LRRIQ1: variants seen among roughly 807,000 people sequenced by gnomAD.
LRRIQ1 encodes the protein leucine rich repeats and IQ motif containing 1.
In LRRIQ1, 210 loss-of-function variants were observed where a neutral mutation model predicts 211.9. The ratio of observed to expected loss-of-function variants is 0.99; its 90% confidence interval spans 0.89 to 1.11. The LOEUF is 1.11. Among genes scored for constraint, LRRIQ1 ranks in the 50% most tolerant of loss-of-function variants. The probability of loss-of-function intolerance (pLI) is 0.00; values close to 1 mark genes in which losing one functional copy is unlikely to be tolerated. For missense variants in LRRIQ1, 2,136 were observed against 1,939.5 expected (o/e 1.10, Z -1.90); for synonymous variants, 699 against 650.1 (o/e 1.08, Z -1.14).
At chr12:85,193,026 T>A (rs1368976645) in intron 24 of LRRIQ1, among the ~76,000 whole-genome samples, 1 of 101,022 alleles carries the variant, frequency 9.9e-6, no homozygotes, top group Non-Finnish European at 1.8e-5. Flanking sequence ...TATAATATAT[T>A]TATTATATTA....
chr12:85,248,314 C>G (rs1393070718), downstream of LRRIQ1, among the ~76,000 whole-genome samples: 1 of 151,522 alleles, frequency 6.6e-6, no homozygotes, highest in Admixed American at 6.6e-5. Flanking sequence ...TTGAATTTAT[C>G]TTTGTTTTTG....
chr12:85,250,967 T>TA (rs1895923671), intron 1 of LRRIQ1, among the ~76,000 whole-genome samples: 11 of 117,516 alleles, frequency 9.4e-5, no homozygotes, highest in East Asian at 4.3e-4. Context: ...ATATATTATA[T>TA]TATATATATT....
chr12:85,066,771 G>T lies in LRRIQ1; in HGVS notation c.2568G>T (p.Glu856Asp). The stretch of plus-strand genomic sequence containing the variant: ...AGGAAAACCATATTGAGGCTATTGA[G>T]TGTGAAAATTTGGAAAATCTCTGTG... Reference protein sequence around the residue: ...DAQENHIEAIECENLENLCVV... With the variant: ...DAQENHIEAIDCENLENLCVV... The change falls in exon 10 of 27, where the codon GAG (glutamate) becomes GAT (aspartate). Residue 856 changes from glutamate (E) to aspartate (D), a missense_variant. Glu to Asp is a conservative substitution (Grantham distance 45, BLOSUM62 2). Transcript: ENST00000393217. 1 of 1,595,098 alleles carries T rather than the reference G, an allele frequency of 6.3e-7. No individual in the cohort carries two copies. Among genetic ancestry groups the T allele is most frequent in the Non-Finnish European group, 8.5e-7 (1 of 1,172,502 alleles).
At chr12:85,228,709 A>T (rs1032689594) in intron 24 of LRRIQ1, among the ~76,000 whole-genome samples, 4 of 152,208 alleles carry the variant, frequency 2.6e-5, no homozygotes, top group Non-Finnish European at 5.9e-5. Flanking sequence ...GTACATGCAC[A>T]GAGTATTCAA....
At chr12:85,266,213 A>G (rs1896415383), downstream of LRRIQ1, among the ~76,000 whole-genome samples, 1 of 152,100 alleles carries the variant, frequency 6.6e-6, no homozygotes, top group Non-Finnish European at 1.5e-5. Context: ...ATCAGGTTTT[A>G]CATAGATAGA....
At chr12:85,180,973 G>A (rs1440614788) in intron 24 of LRRIQ1, among the ~76,000 whole-genome samples, 1 of 151,764 alleles carries the variant, frequency 6.6e-6, no homozygotes, top group Non-Finnish European at 1.5e-5. Context: ...TGTAGATTCT[G>A]ATAAATGATC....
intron 10 of LRRIQ1, among the ~76,000 whole-genome samples, chr12:85,070,801 A>G (rs1883000456): frequency 6.6e-6 from 1 of 151,926 alleles, no homozygotes; most frequent in Non-Finnish European, 1.5e-5. Flanking sequence ...GTTTATGGCA[A>G]CATTAATATA....
intron 16 of LRRIQ1, among the ~76,000 whole-genome samples, chr12:85,122,376 C>A (rs904753756): frequency 6.6e-6 from 1 of 151,978 alleles, no homozygotes; most frequent in Non-Finnish European, 1.5e-5. Flanking sequence ...GCACTTGCAC[C>A]CATTTAGACT....
At chr12:85,106,400 G>T in intron 14 of LRRIQ1, 122 bp from the exon 15 acceptor site, 2 of 662,632 alleles carry the variant, frequency 3.0e-6, no homozygotes, top group South Asian at 2.0e-5. Context: ...ATAGCATTCT[G>T]CAGAAGAAAT....
chr12:85,115,571 C>T (rs1887511870), intron 15 of LRRIQ1, among the ~76,000 whole-genome samples: 1 of 152,086 alleles, frequency 6.6e-6, no homozygotes, highest in Non-Finnish European at 1.5e-5. Context: ...CGTAAAAATT[C>T]AACCTCTCTT....
At chr12:85,161,475 A>G (rs1025679266) in intron 24 of LRRIQ1, among the ~76,000 whole-genome samples, 2 of 151,996 alleles carry the variant, frequency 1.3e-5, no homozygotes, top group African/African-American at 2.4e-5. Context: ...TATAGTTTGG[A>G]TAGCAATTTT....
chr12:85,079,524 A>G (rs867294845), intron 11 of LRRIQ1, among the ~76,000 whole-genome samples: 1 of 151,922 alleles, frequency 6.6e-6, no homozygotes, highest in Admixed American at 6.6e-5. Context: ...CACCATGCCC[A>G]GCCTCTATCT....
intron 23 of LRRIQ1, among the ~76,000 whole-genome samples, chr12:85,156,570 T>C (rs893786740): frequency 3.3e-5 from 5 of 151,734 alleles, no homozygotes; most frequent in Non-Finnish European, 7.4e-5. Context: ...ATCTGTGATA[T>C]ACCATTAACT....
chr12:85,195,558 G>C (rs1229482952), intron 24 of LRRIQ1, among the ~76,000 whole-genome samples: 1 of 152,028 alleles, frequency 6.6e-6, no homozygotes, highest in African/African-American at 2.4e-5. Context: ...CATATAAACA[G>C]AACCAAAGAC....
intron 11 of LRRIQ1, among the ~76,000 whole-genome samples, chr12:85,088,408 A>T (rs1003852488): frequency 5.9e-5 from 9 of 152,308 alleles, no homozygotes; most frequent in African/African-American, 1.9e-4. Context: ...CTTTTGGCTT[A>T]GGATTGTGTT....
intron 17 of LRRIQ1, chr12:85,124,833 A>G (rs1047014667): frequency 5.0e-5 from 12 of 241,450 alleles, no homozygotes; most frequent in Non-Finnish European, 9.6e-5. Context: ...ATCACAGTCT[A>G]AAAATAATAA....
downstream of LRRIQ1, among the ~76,000 whole-genome samples, chr12:85,247,595 A>T (rs1041908718): frequency 2.0e-5 from 3 of 151,592 alleles, no homozygotes; most frequent in South Asian, 2.1e-4. Context: ...TGGGAATAGT[A>T]ATGTTTATAT....
chr12:85,177,275 T>C (rs1012416244), intron 24 of LRRIQ1, among the ~76,000 whole-genome samples: 1 of 152,086 alleles, frequency 6.6e-6, no homozygotes. Context: ...CAGTGATCAA[T>C]GACATAAACA....
chr12:85,238,649 T>C (rs1895310841), intron 26 of LRRIQ1, among the ~76,000 whole-genome samples: 1 of 151,932 alleles, frequency 6.6e-6, no homozygotes, highest in African/African-American at 2.4e-5. Flanking sequence ...AGGAAAACAA[T>C]CATTATCTCA....
Sources: gnomAD v4.1 joint callset for allele counts (sites outside exome capture counted in the v4.1 genomes callset) on GRCh38, gnomAD v4.1.1 for gene constraint, MANE v1.5 for transcripts, NCBI Gene and HGNC (gene_info 2026-07-23, HGNC 2026-07-21) for gene names.